RHBDL3: variants seen among roughly 807,000 people sequenced by gnomAD.
The protein encoded by RHBDL3 is rhomboid-related protein 3.
RHBDL3 carries 28 observed loss-of-function variants against 48.2 expected under a neutral mutation model. That is an observed-to-expected ratio of 0.58 (90% confidence interval 0.43 to 0.80). The LOEUF (loss-of-function observed/expected upper bound fraction) is 0.80. Among genes scored for constraint, RHBDL3 ranks in the 30% least tolerant of loss-of-function variants. RHBDL3 has a pLI of 0.00. For synonymous variants in RHBDL3, 208 were observed against 232.3 expected, an observed-to-expected ratio of 0.90 and a Z score of 0.95; for missense variants, 464 against 542.7, an observed-to-expected ratio of 0.85 and a Z score of 1.44.
At chr17:32,281,287 G>T (rs1163108038) in intron 2 of RHBDL3, among the ~76,000 whole-genome samples, 3 of 152,076 alleles carry the variant, frequency 2.0e-5, no homozygotes, top group Non-Finnish European at 1.5e-5. Context: ...GATTGAGGGG[G>T]AGAGCAGGTG....
intron 6 of RHBDL3, among the ~76,000 whole-genome samples, chr17:32,302,935 T>C (rs2040620569): frequency 6.6e-6 from 1 of 152,176 alleles, no homozygotes; most frequent in South Asian, 2.1e-4. Flanking sequence ...AAAGTTTCCT[T>C]TGAAGAGAGT....
intron 2 of RHBDL3, among the ~76,000 whole-genome samples, chr17:32,282,784 G>A (rs1029169112): frequency 3.3e-5 from 5 of 152,092 alleles, no homozygotes; most frequent in Admixed American, 6.5e-5. Flanking sequence ...AACCACGCCC[G>A]GCTAATTTTT....
chr17:32,295,574 C>T (rs949999211), intron 5 of RHBDL3, among the ~76,000 whole-genome samples: 39 of 152,332 alleles, frequency 2.6e-4, no homozygotes, highest in South Asian at 8.3e-4. Context: ...AGTGGCTGCA[C>T]GTGGGTTGGG....
rs745899562 is a variant in RHBDL3 at position 32,298,150 on chromosome 17, A to T, written c.727A>T (p.Met243Leu). 8.1e-6 allele frequency: 13 copies of T among 1,613,976 alleles called. No homozygotes were observed. In the South Asian group the frequency reaches 1.4e-4, roughly 18 times the overall value. Reference sequence around the variant, plus strand: ...GCTGCTGGTGGGGGTGCCCCTGGAGATGGTGCATGGAGCCACCCGAATTGG... The same window carrying T: ...GCTGCTGGTGGGGGTGCCCCTGGAGTTGGTGCATGGAGCCACCCGAATTGG... ...LQLLVGVPLE[M>L]VHGATRIGLV... Residue 243 changes from methionine (M) to leucine (L), a missense_variant, in exon 6 of 9, where the codon ATG becomes TTG. Transcript: ENST00000269051.
chr17:32,305,639 A>G (rs2040692967), intron 7 of RHBDL3, among the ~76,000 whole-genome samples, 198 bp downstream of exon 7: 1 of 152,152 alleles, frequency 6.6e-6, no homozygotes, highest in Non-Finnish European at 1.5e-5. Context: ...TTCTCCAGTC[A>G]CGGCTTGGCC....
rs532219152 is a variant in RHBDL3, at chr17:32,319,938, A to C, written c.944-1020A>C. ...TGACTGGCTGACCCAAGAAGTTCAC[A>C]CAAGAAGCGTGGATTGGTGATCAGG... On this transcript the variant is annotated intron_variant, in intron 8 of 8. Transcript: ENST00000269051. Among the ~76,000 whole-genome samples, 4 of 152,194 alleles carry C rather than the reference A, an allele frequency of 2.6e-5. 1 individual carries two copies. Among genetic ancestry groups the C allele is most frequent in the South Asian group, 2.1e-4 (1 of 4,822 alleles).
chr17:32,299,053 T>G (rs1469288969), intron 6 of RHBDL3, among the ~76,000 whole-genome samples: 2 of 151,614 alleles, frequency 1.3e-5, no homozygotes, highest in South Asian at 2.1e-4. Flanking sequence ...GCTGTTTTTT[T>G]TTTTTTTTTT....
At chr17:32,268,998 C>A (rs1029574707) in intron 2 of RHBDL3, among the ~76,000 whole-genome samples, 2 of 151,940 alleles carry the variant, frequency 1.3e-5, no homozygotes, top group Admixed American at 6.6e-5. Context: ...CTTAATAGAC[C>A]GTAGGTGAGG....
chr17:32,278,471 A>G (rs910435462), intron 2 of RHBDL3, among the ~76,000 whole-genome samples: 20 of 152,102 alleles, frequency 1.3e-4, no homozygotes, highest in African/African-American at 3.6e-4. Flanking sequence ...CTTTTGCCCT[A>G]TGCACCTGTT....
At chr17:32,308,313 T>C (rs543928786) in intron 7 of RHBDL3, among the ~76,000 whole-genome samples, 1 of 152,302 alleles carries the variant, frequency 6.6e-6, no homozygotes, top group Non-Finnish European at 1.5e-5. Context: ...TTGGGCGCGC[T>C]GGCTCACACC....
chr17:32,283,563 TC>T (rs1280233617), intron 2 of RHBDL3, among the ~76,000 whole-genome samples: 1 of 152,042 alleles, frequency 6.6e-6, no homozygotes, highest in East Asian at 1.9e-4. Flanking sequence ...GACCTTGTGA[TC>T]CGCCCGCCTT....
intron 7 of RHBDL3, among the ~76,000 whole-genome samples, chr17:32,310,681 C>CCAGCCTG: frequency 1.1e-5 from 1 of 90,366 alleles, no homozygotes. Context: ...CCACTGCACT[C>CCAGCCTG]CAGCCTGGGC....
chr17:32,299,583 CATT>C (rs1205994842), intron 6 of RHBDL3, among the ~76,000 whole-genome samples: 2 of 152,186 alleles, frequency 1.3e-5, no homozygotes, highest in Non-Finnish European at 2.9e-5. Flanking sequence ...ACAGGGAAGA[CATT>C]AATAACATTT....
Position 32,321,322 on chromosome 17 carries a change from C to A in RHBDL3, c.*93C>A, listed in dbSNP as rs754586091. On this transcript the variant is annotated 3_prime_UTR_variant, in exon 9 of 9. Transcript: ENST00000269051. ...CTTCTCATCACCAGCTCAGCTAGGC[C>A]GGGCAGACAAGGACAGAAGACTCTG... 3 of 1,582,212 alleles carry A rather than the reference C, an allele frequency of 1.9e-6. No homozygotes were observed. The highest frequency in any genetic ancestry group is 4.6e-5 in the East Asian group (2 of 43,344).
intron 2 of RHBDL3, among the ~76,000 whole-genome samples, chr17:32,282,588 A>G (rs1042602007): frequency 6.6e-6 from 1 of 152,100 alleles, no homozygotes; most frequent in African/African-American, 2.4e-5. Flanking sequence ...AATAGACCTC[A>G]TTGGAGATGT....
intron 2 of RHBDL3, among the ~76,000 whole-genome samples, chr17:32,271,458 A>G (rs2039772864): frequency 6.6e-6 from 1 of 152,144 alleles, no homozygotes; most frequent in African/African-American, 2.4e-5. Flanking sequence ...TTTTCGGGTT[A>G]TGCTTTGATA....
chr17:32,270,156 A>G (rs2039739732), intron 2 of RHBDL3, among the ~76,000 whole-genome samples: 1 of 150,842 alleles, frequency 6.6e-6, no homozygotes, highest in Non-Finnish European at 1.5e-5. Context: ...AAAAAAAAAA[A>G]AGAAGCAAGC....
intron 4 of RHBDL3, among the ~76,000 whole-genome samples, chr17:32,290,755 C>T (rs748173119): frequency 9.9e-5 from 15 of 152,090 alleles, no homozygotes; most frequent in Non-Finnish European, 1.5e-4. Flanking sequence ...GTAATGCCAG[C>T]ACTTTGGGAG....
intron 7 of RHBDL3, among the ~76,000 whole-genome samples, chr17:32,310,674 C>T (rs2040823596): frequency 6.6e-6 from 1 of 151,806 alleles, no homozygotes; most frequent in East Asian, 1.9e-4. Flanking sequence ...GATCGTGCCA[C>T]TGCACTCCAG....
Sources: allele counts gnomAD v4.1 joint callset (sites outside exome capture counted in the v4.1 genomes callset), GRCh38; gene constraint gnomAD v4.1.1; transcripts MANE v1.5; gene names NCBI Gene and HGNC (gene_info 2026-07-23, HGNC 2026-07-21).